Variants in MAP3K9 observed in about 807,000 individuals in gnomAD.
MAP3K9 encodes mitogen-activated protein kinase kinase kinase 9.
A neutral mutation model predicts 95.8 loss-of-function variants in MAP3K9; 46 were observed. That is an observed-to-expected ratio of 0.48 (90% confidence interval 0.38 to 0.61). MAP3K9 has a LOEUF of 0.61. Ranked by LOEUF, MAP3K9 falls within the 20% of genes least tolerant of loss-of-function variation. MAP3K9 has a pLI of 0.00. For synonymous variants in MAP3K9, 533 were observed against 593.8 expected (o/e 0.90, Z 1.49); for missense variants, 1,296 against 1,474.3 (o/e 0.88, Z 1.98).
chr14:70,733,278 G>A lies in MAP3K9; in HGVS notation c.2091C>T (p.Ser697=), dbSNP rs781019543. The A allele has an allele frequency of 5.0e-6, 8 of 1,609,598 alleles. No individual in the cohort carries two copies. The highest frequency in any genetic ancestry group is 6.8e-6 in the Non-Finnish European group (8 of 1,177,088). Residue 697 remains serine (S), a synonymous_variant, in exon 11 of 12, where the codon TCC becomes TCT. Coordinates refer to ENST00000554752, the MANE Select transcript of MAP3K9 (RefSeq NM_001284230.2). ...ESRLQHSPSQ[S]YLCIPFPRGE... ...CACGAGGGAATGGGATACAGAGGTA[G>A]GACTGGCTGGGTGAATGCTGTAGGC...
In MAP3K9 at chr14:70,730,786, G is replaced by T. The variant is rs745872449; in HGVS notation, c.2909C>A (p.Pro970Gln). Residue 970 changes from proline to glutamine, a missense_variant, in exon 12 of 12, where the codon CCA becomes CAA. Physicochemically the swap from Pro to Gln is moderately conservative, Grantham distance 76. Coordinates refer to ENST00000554752, the MANE Select transcript of MAP3K9 (RefSeq NM_001284230.2). ...RLPDPNVVFP[P>Q]TPRRWNTQQD... ...CTGAGTGTTCCAGCGCCTTGGGGTTGGGGGGAAGACCACATTGGGGTCAGG... is the reference window on the plus strand; with the variant it reads ...CTGAGTGTTCCAGCGCCTTGGGGTTTGGGGGAAGACCACATTGGGGTCAGG... 1.1e-5 allele frequency: 18 copies of T among 1,613,356 alleles called. No homozygotes were observed. Among genetic ancestry groups the T allele is most frequent in the Admixed American group, 1.7e-5 (1 of 59,974 alleles).
In MAP3K9 at chr14:70,724,217, A is replaced by T. The variant is rs893423075; in HGVS notation, c.*6163T>A. The T allele has an allele frequency of 6.6e-6, 1 of 151,944 alleles. No individual in the cohort carries two copies. Among genetic ancestry groups the T allele is most frequent in the African/African-American group, 2.4e-5 (1 of 41,394 alleles). The allele number at this position is 151,944 out of a possible 1,614,324, so 9.4% of individuals were successfully genotyped here. A position where few individuals can be genotyped will look rare whatever the true frequency, so the allele number is the denominator to read the frequency against. Reference sequence around the variant, plus strand: ...TAATCACTTCCCTTCTCCAGAGAACACACACACACACAAGTGCCCTCAGGG... The same window carrying T: ...TAATCACTTCCCTTCTCCAGAGAACTCACACACACACAAGTGCCCTCAGGG... On this transcript the variant is annotated 3_prime_UTR_variant, in exon 12 of 12. Coordinates refer to ENST00000554752, the MANE Select transcript of MAP3K9 (RefSeq NM_001284230.2).
At chr14:70,800,603 C>G (rs1163588576) in intron 2 of MAP3K9, 64 bp downstream of exon 2, 5 of 1,529,196 alleles carry the variant, frequency 3.3e-6, no homozygotes, top group Non-Finnish European at 4.4e-6. Flanking sequence ...TCCACTCCTA[C>G]TGACGTCGTG....
intron 2 of MAP3K9, among the ~76,000 whole-genome samples, chr14:70,765,979 G>C (rs575676743): frequency 1.3e-5 from 2 of 151,890 alleles, no homozygotes; most frequent in African/African-American, 4.8e-5. Context: ...ATGGGGGCCT[G>C]GCCAGGCAGT....
At chr14:70,776,652 T>C (rs1028290750) in intron 2 of MAP3K9, among the ~76,000 whole-genome samples, 15 of 152,050 alleles carry the variant, frequency 9.9e-5, no homozygotes, top group Non-Finnish European at 2.1e-4. Context: ...ACCCTCAAAA[T>C]AGGTATATAT....
At chr14:70,776,345 TG>T (rs2054598440) in intron 2 of MAP3K9, among the ~76,000 whole-genome samples, 1 of 152,196 alleles carries the variant, frequency 6.6e-6, no homozygotes, top group Non-Finnish European at 1.5e-5. Context: ...GCACCATGGC[TG>T]AGACAGTAGC....
chr14:70,748,882 T>C lies in MAP3K9; in HGVS notation c.1273A>G (p.Asn425Asp), dbSNP rs2054187150. Residue 425 changes from asparagine (N) to aspartate (D), a missense_variant, in exon 5 of 12, where the codon AAC becomes GAC. By Grantham distance (23) the Asn-to-Asp change is conservative (BLOSUM62 1). Coordinates refer to ENST00000554752, the MANE Select transcript of MAP3K9 (RefSeq NM_001284230.2). The stretch of plus-strand genomic sequence containing the variant: ...ATCTCCTGAATCTCGTGTTTCCAGT[T>C]GTCCTGCAGGCAGTGGAAGGAGTCC... Reference protein sequence around the residue: ...PKDSFHCLQDNWKHEIQEMFD... With the variant: ...PKDSFHCLQDDWKHEIQEMFD... 1 of 1,614,182 alleles carries C rather than the reference T, an allele frequency of 6.2e-7. No individual in the cohort carries two copies. Among genetic ancestry groups the C allele is most frequent in the Middle Eastern group, 1.6e-4 (1 of 6,062 alleles).
chr14:70,733,274 G>A lies in MAP3K9; in HGVS notation c.2095C>T (p.Leu699Phe). ...RLQHSPSQSY[L>F]CIPFPRGEDG... ...TCTCCACGAGGGAATGGGATACAGA[G>A]GTAGGACTGGCTGGGTGAATGCTGT... Residue 699 changes from leucine to phenylalanine, a missense_variant, in exon 11 of 12, where the codon CTC (leucine) becomes TTC (phenylalanine). This residue lies in a region of MAP3K9 where 377 missense variants were observed against 417.1 expected (regional missense o/e 0.90). Coordinates refer to ENST00000554752, the MANE Select transcript of MAP3K9 (RefSeq NM_001284230.2). 1.2e-6 allele frequency: 2 copies of A among 1,610,638 alleles called. No homozygotes were observed. The highest frequency in any genetic ancestry group is 1.7e-6 in the Non-Finnish European group (2 of 1,177,744).
intron 9 of MAP3K9, among the ~76,000 whole-genome samples, chr14:70,735,120 T>C (rs2053966021): frequency 6.6e-6 from 1 of 152,218 alleles, no homozygotes. Flanking sequence ...GCAGAGCCCT[T>C]GGTCTGTCTG....
Position 70,725,753 on chromosome 14 carries a change from A to C in MAP3K9, c.*4627T>G, listed in dbSNP as rs940366611. ...CATTCTCAGACCTAAAGCCAAAGAG[A>C]GAGGCAGGTACATTAGGGTGAACCA... On this transcript the variant is annotated 3_prime_UTR_variant, in exon 12 of 12. Transcript: ENST00000554752. The C allele has an allele frequency of 6.6e-6, 1 of 152,220 alleles. No individual in the cohort carries two copies. Among genetic ancestry groups the C allele is most frequent in the Non-Finnish European group, 1.5e-5 (1 of 68,044 alleles). 9.4% of individuals were successfully genotyped at this position (152,220 alleles called of 1,614,324 possible).
At chr14:70,767,521 C>T (rs1021700938) in intron 2 of MAP3K9, among the ~76,000 whole-genome samples, 10 of 151,860 alleles carry the variant, frequency 6.6e-5, no homozygotes, top group Non-Finnish European at 1.5e-4. Context: ...GGTGGAGGGG[C>T]ACTGGGAGGA....
intron 8 of MAP3K9, among the ~76,000 whole-genome samples, chr14:70,737,215 G>C (rs747341739): frequency 6.6e-6 from 1 of 152,164 alleles, no homozygotes; most frequent in Non-Finnish European, 1.5e-5. Context: ...TGAGAAGCAG[G>C]AAGTGTCATC....
At chr14:70,801,807 C>T (rs1420091086) in intron 1 of MAP3K9, among the ~76,000 whole-genome samples, 4 of 152,042 alleles carry the variant, frequency 2.6e-5, no homozygotes, top group African/African-American at 4.8e-5. Context: ...AGATCTCAGG[C>T]GATGAAGGAA....
chr14:70,766,977 C>T (rs1334237134), intron 2 of MAP3K9, among the ~76,000 whole-genome samples: 1 of 152,188 alleles, frequency 6.6e-6, no homozygotes, highest in East Asian at 1.9e-4. Context: ...GTCATCATTT[C>T]CGCTAGCATG....
At position 70,740,175 on chromosome 14, in the gene MAP3K9, A is replaced by C. The variant is rs1233772822; in HGVS notation, c.1568-11T>G. 6.2e-7 allele frequency: 1 copy of C among 1,611,694 alleles called. No individual in the cohort carries two copies. The highest frequency in any genetic ancestry group is 8.5e-7 in the Non-Finnish European group (1 of 1,178,062). On this transcript the variant is annotated splice_polypyrimidine_tract_variant and intron_variant, in intron 6 of 11. Transcript: ENST00000554752. ...ACTTGTGCTGGAAATCTGCTTGGGG[A>C]AAGACAAACACGTGTATGCATTAAC...
intron 2 of MAP3K9, among the ~76,000 whole-genome samples, chr14:70,761,860 CA>C (rs1384447094): frequency 1.1e-4 from 16 of 152,100 alleles, no homozygotes; most frequent in Non-Finnish European, 2.2e-4. Flanking sequence ...TGTCTAGTTC[CA>C]AAACATTTTC....
intron 1 of MAP3K9, among the ~76,000 whole-genome samples, chr14:70,808,429 T>C (rs1309529823): frequency 1.0e-4 from 1 of 10,028 alleles, no homozygotes; most frequent in Non-Finnish European, 1.9e-4. Flanking sequence ...AGATTGGGAA[T>C]GGGGGGCGGC....
chr14:70,740,608 G>A (rs1001425298), intron 6 of MAP3K9, among the ~76,000 whole-genome samples: 7 of 152,192 alleles, frequency 4.6e-5, no homozygotes, highest in Non-Finnish European at 7.4e-5. Context: ...GGCACAGCAG[G>A]GTATCAATGA....
chr14:70,736,317 T>C (rs1193886118), intron 8 of MAP3K9, among the ~76,000 whole-genome samples: 1 of 152,170 alleles, frequency 6.6e-6, no homozygotes, highest in Non-Finnish European at 1.5e-5. Flanking sequence ...TGGACAAATA[T>C]GTATTATTTT....
Sources: allele counts gnomAD v4.1 joint callset (sites outside exome capture counted in the v4.1 genomes callset), GRCh38; gene constraint gnomAD v4.1.1; regional missense constraint gnomAD v4.1.1; transcripts MANE v1.5; gene names NCBI Gene and HGNC (gene_info 2026-07-23, HGNC 2026-07-21).